CDK15: variants seen among roughly 807,000 people sequenced by gnomAD.
The protein encoded by CDK15 is cyclin dependent kinase 15.
A neutral mutation model predicts 60.3 loss-of-function variants in CDK15; 62 were observed. That is an observed-to-expected ratio of 1.03 (90% CI 0.84 to 1.27). CDK15 has a LOEUF of 1.27. Among genes scored for constraint, CDK15 ranks in the 50% most tolerant of loss-of-function variants. The pLI, the probability that CDK15 is intolerant of heterozygous loss-of-function variation, is 0.00. For missense variants in CDK15, 541 were observed against 527.8 expected (o/e 1.03, Z -0.25); for synonymous variants, 194 against 195.7 (o/e 0.99, Z 0.07).
chr2:201,888,081 G>A (rs1232178693), intron 12 of CDK15, among the ~76,000 whole-genome samples: 1 of 149,572 alleles, frequency 6.7e-6, no homozygotes, highest in Non-Finnish European at 1.5e-5. Context: ...GCGATTATGG[G>A]CAAGTAAAAG....
At position 201,847,400 on chromosome 2, in the gene CDK15, A is replaced by G. The variant is rs1697717661; in HGVS notation, c.871A>G (p.Ile291Val). Residue 291 changes from isoleucine (I) to valine (V), a missense_variant, in exon 9 of 14, where the codon ATT (isoleucine) becomes GTT (valine). Transcript: ENST00000652192. ...TGCTAGGGGTGCAGGCTGCATCTTT[A>G]TTGAAATGTTCCAGGGTCAACCTTT... The part of the protein sequence containing the change: ...LDIWGAGCIF[I>V]EMFQGQPLFP... 6.2e-7 allele frequency: 1 copy of G among 1,614,008 alleles called. No individual in the cohort carries two copies. The highest frequency in any genetic ancestry group is 8.5e-7 in the Non-Finnish European group (1 of 1,179,958).
At chr2:201,866,069 C>T (rs946341209) in intron 10 of CDK15, among the ~76,000 whole-genome samples, 2 of 149,052 alleles carry the variant, frequency 1.3e-5, no homozygotes, top group Non-Finnish European at 1.5e-5. Context: ...GTGAAGGGCA[C>T]GTAGGAGAAA....
intron 4 of CDK15, among the ~76,000 whole-genome samples, chr2:201,816,434 C>T (rs1416976128): frequency 6.9e-6 from 1 of 145,022 alleles, no homozygotes; most frequent in African/African-American, 2.5e-5. Context: ...CATCTGCATC[C>T]ATGTTGCTGC....
chr2:201,809,868 G>A (rs1695677263), intron 3 of CDK15, among the ~76,000 whole-genome samples: 1 of 151,974 alleles, frequency 6.6e-6, no homozygotes, highest in Admixed American at 6.6e-5. Context: ...CACTGTTCAT[G>A]CACACAGCTG....
intron 13 of CDK15, among the ~76,000 whole-genome samples, chr2:201,892,239 A>G (rs1699662759): frequency 6.6e-6 from 1 of 152,206 alleles, no homozygotes; most frequent in Non-Finnish European, 1.5e-5. Context: ...CAGAGCTTTT[A>G]CTGTATAATT....
At chr2:201,831,055 G>C (rs1382833365) in intron 6 of CDK15, among the ~76,000 whole-genome samples, 1 of 152,210 alleles carries the variant, frequency 6.6e-6, no homozygotes, top group Admixed American at 6.5e-5. Flanking sequence ...AGGAGCAATA[G>C]ATATGAAGCT....
chr2:201,894,032 G>C lies in CDK15; in HGVS notation c.*765G>C, dbSNP rs746119428. 1.3e-5 allele frequency: 2 copies of C among 151,184 alleles called. No individual in the cohort carries two copies. Among genetic ancestry groups the C allele is most frequent in the Non-Finnish European group, 2.9e-5 (2 of 68,186 alleles). 9.4% of individuals were successfully genotyped at this position (151,184 alleles called of 1,614,324 possible). ...GTGGAGATATTGAATAAGTAGTTGG[G>C]AGCAGAGTTCCAAAGATGTAATTTA... On this transcript the variant is annotated 3_prime_UTR_variant, in exon 14 of 14. Coordinates refer to ENST00000652192, the MANE Select transcript of CDK15 (RefSeq NM_001366386.2).
At chr2:201,876,241 ACAAG>A (rs1226336666) in intron 11 of CDK15, among the ~76,000 whole-genome samples, 12 of 152,266 alleles carry the variant, frequency 7.9e-5, no homozygotes, top group African/African-American at 2.7e-4. Context: ...GCAATTGGTA[ACAAG>A]CAAGGCCATA....
intron 1 of CDK15, among the ~76,000 whole-genome samples, chr2:201,807,034 T>C (rs1034682478): frequency 1.3e-5 from 2 of 152,216 alleles, no homozygotes; most frequent in Non-Finnish European, 2.9e-5. Context: ...GTCGAGAAAG[T>C]AGTTCTCTCA....
In CDK15 at chr2:201,806,691, T is replaced by C. The variant is rs756347254; in HGVS notation, c.27T>C (p.Thr9=). MGQELCAK[T]VQPGCSCYHC... is the part of the protein sequence containing the mutation. ...TGGGTCAAGAGCTGTGTGCAAAGACTGTACAGCCTGGATGCAGCTGCTACC... is the reference window on the plus strand; with the variant it reads ...TGGGTCAAGAGCTGTGTGCAAAGACCGTACAGCCTGGATGCAGCTGCTACC... The change falls in exon 1 of 14, where the codon ACT becomes ACC. Residue 9 remains threonine (T), a synonymous_variant. Transcript: ENST00000652192. 29 of 1,597,256 alleles carry C rather than the reference T, an allele frequency of 1.8e-5. No individual in the cohort carries two copies. The highest frequency in any genetic ancestry group is 2.4e-5 in the Non-Finnish European group (28 of 1,179,362).
chr2:201,870,460 G>A (rs1698807919), intron 10 of CDK15, among the ~76,000 whole-genome samples: 1 of 150,994 alleles, frequency 6.6e-6, no homozygotes, highest in Non-Finnish European at 1.5e-5. Context: ...TGTAATCCGA[G>A]CACTTTGGGA....
chr2:201,888,468 A>G (rs1228564322), intron 12 of CDK15: 2 of 1,535,276 alleles, frequency 1.3e-6, no homozygotes, highest in Admixed American at 3.9e-5. Flanking sequence ...AGAGTGAAGC[A>G]GCTGCGATAA....
chr2:201,888,711 A>G, intron 12 of CDK15: 3 of 1,283,614 alleles, frequency 2.3e-6, no homozygotes, highest in Non-Finnish European at 3.0e-6. Flanking sequence ...TCTGCCAGAT[A>G]GTGTCTCTCT....
chr2:201,833,211 AG>A lies in CDK15; in HGVS notation c.607-628del, dbSNP rs138633087. On this transcript the variant is annotated intron_variant, in intron 6 of 13. Coordinates refer to ENST00000652192, the MANE Select transcript of CDK15 (RefSeq NM_001366386.2). ...CCTTATTCTTTTTTGATTTTTTTTG[AG>A]GGGGGGGGTCTAACTTATTTTGGTC... Among the ~76,000 whole-genome samples the A allele has an allele frequency of 9.2e-4, 129 of 140,952 alleles. 1 individual carries two copies. Among genetic ancestry groups the A allele is most frequent in the East Asian group, 2.7e-3 (13 of 4,766 alleles). 92.5% of individuals were successfully genotyped at this position (140,952 alleles called of 152,430 possible).
At chr2:201,861,000 T>C (rs903810979) in intron 10 of CDK15, 12 of 1,184,222 alleles carry the variant, frequency 1.0e-5, no homozygotes, top group Non-Finnish European at 1.2e-5. Context: ...AAGGTCTGCA[T>C]CTGGGTCGGC....
chr2:201,860,800 A>G (rs778736794), intron 10 of CDK15: 16 of 1,352,080 alleles, frequency 1.2e-5, no homozygotes, highest in African/African-American at 7.4e-5. Context: ...TACTGCAGCA[A>G]TGCAGCCTTG....
At chr2:201,843,640 A>G (rs1697501469) in intron 8 of CDK15, among the ~76,000 whole-genome samples, 2 of 152,158 alleles carry the variant, frequency 1.3e-5, no homozygotes, top group African/African-American at 4.8e-5. Flanking sequence ...CACACACTAT[A>G]TACATAGTGT....
At chr2:201,872,187 C>A in intron 10 of CDK15, 91 bp from the exon 11 acceptor site, 1 of 1,329,306 alleles carries the variant, frequency 7.5e-7, no homozygotes, top group Non-Finnish European at 1.1e-6. Context: ...TTAAACCAAG[C>A]CAAGAAGAGC....
At chr2:201,837,442 GA>G (rs1275704684) in intron 8 of CDK15, among the ~76,000 whole-genome samples, 2 of 97,010 alleles carry the variant, frequency 2.1e-5, no homozygotes, top group African/African-American at 8.1e-5. Flanking sequence ...GGGAAGGAAG[GA>G]AGGAAAGGAA....
Sources: gnomAD v4.1 joint callset for allele counts (sites outside exome capture counted in the v4.1 genomes callset) on GRCh38, gnomAD v4.1.1 for gene constraint, MANE v1.5 for transcripts, NCBI Gene and HGNC (gene_info 2026-07-23, HGNC 2026-07-21) for gene names.